ZNF385D: variants seen among roughly 807,000 people sequenced by gnomAD.
ZNF385D encodes the protein zinc finger protein 385D.
Under a neutral mutation model 35.8 loss-of-function variants are expected in ZNF385D, and 15 were observed. That is an observed-to-expected ratio of 0.42 (90% confidence interval 0.28 to 0.64). The LOEUF (loss-of-function observed/expected upper bound fraction) is 0.64. Ranked by LOEUF, ZNF385D falls within the 30% of genes least tolerant of loss-of-function variation. ZNF385D has a pLI of 0.23. For missense variants in ZNF385D, 474 were observed against 494.6 expected (o/e 0.96, Z 0.39); for synonymous variants, 212 against 186.8 (o/e 1.13, Z -1.10).
At chr3:21,627,485 G>GA (rs1366967203) in intron 2 of ZNF385D, among the ~76,000 whole-genome samples, 1 of 151,972 alleles carries the variant, frequency 6.6e-6, no homozygotes, top group African/African-American at 2.4e-5. Context: ...AAGATGCTGT[G>GA]AAAATCAGGT....
intron 3 of ZNF385D, among the ~76,000 whole-genome samples, chr3:21,896,004 T>C (rs1296632201): frequency 6.6e-6 from 1 of 152,190 alleles, no homozygotes; most frequent in African/African-American, 2.4e-5. Context: ...ATTATTTTAA[T>C]TAGAGAAATA....
chr3:22,208,458 G>C (rs149018341), intron 2 of ZNF385D, among the ~76,000 whole-genome samples: 1 of 151,344 alleles, frequency 6.6e-6, no homozygotes, highest in Non-Finnish European at 1.5e-5. Context: ...GGGGTGGGTA[G>C]ATGGGTGGGG....
At chr3:21,661,597 T>G (rs2066239271) in intron 2 of ZNF385D, among the ~76,000 whole-genome samples, 1 of 152,168 alleles carries the variant, frequency 6.6e-6, no homozygotes, top group South Asian at 2.1e-4. Context: ...GCACTGAAAC[T>G]CTAATGTCTT....
intron 3 of ZNF385D, among the ~76,000 whole-genome samples, chr3:21,811,189 T>C (rs2072905723): frequency 6.6e-6 from 1 of 152,250 alleles, no homozygotes; most frequent in Admixed American, 6.5e-5. Context: ...TTAGCATGAA[T>C]CCTATTTCTT....
intron 3 of ZNF385D, among the ~76,000 whole-genome samples, chr3:21,925,866 C>G (rs1271696653): frequency 6.6e-6 from 1 of 152,028 alleles, no homozygotes; most frequent in Non-Finnish European, 1.5e-5. Context: ...GACAAATACA[C>G]AAATGAAAAG....
chr3:21,810,845 A>G (rs1408011956), intron 3 of ZNF385D, among the ~76,000 whole-genome samples: 3 of 151,942 alleles, frequency 2.0e-5, no homozygotes, highest in Non-Finnish European at 4.4e-5. Flanking sequence ...TTCCTGGTAG[A>G]TATTCTTAGG....
intron 3 of ZNF385D, among the ~76,000 whole-genome samples, chr3:22,080,907 A>T (rs1268672913): frequency 6.6e-6 from 1 of 152,084 alleles, no homozygotes; most frequent in Non-Finnish European, 1.5e-5. Flanking sequence ...CCAGACACTG[A>T]CCCTGCTGCT....
chr3:21,820,195 A>C (rs1232156000), intron 3 of ZNF385D, among the ~76,000 whole-genome samples: 1 of 151,852 alleles, frequency 6.6e-6, no homozygotes, highest in Non-Finnish European at 1.5e-5. Flanking sequence ...ACATTTATAC[A>C]GATTGATATT....
At position 22,037,912 on chromosome 3, in the gene ZNF385D, C is replaced by G. The variant is rs944433392; in HGVS notation, c.325+130905G>C. ...CCAATGGAACAGAACAGAGCCCTCA[C>G]AAATAATGCCACATATCTACAACTA... On this transcript the variant is annotated intron_variant, in intron 3 of 5. Transcript: ENST00000494108. Among the ~76,000 whole-genome samples, 45 of 152,140 alleles carry G rather than the reference C, an allele frequency of 3.0e-4. No homozygotes were observed. The South Asian group carries it at 4.8e-3, about 16-fold the overall frequency.
At chr3:21,746,599 A>G (rs1452175538) in intron 1 of ZNF385D, among the ~76,000 whole-genome samples, 1 of 152,172 alleles carries the variant, frequency 6.6e-6, no homozygotes, top group Non-Finnish European at 1.5e-5. Flanking sequence ...TCAGGACTTC[A>G]CGCTTTAAAA....
In ZNF385D at chr3:21,417,808, C is replaced by G. The variant is rs1700583220; in HGVS notation, c.*3406G>C. 1.3e-5 allele frequency: 2 copies of G among 152,070 alleles called. No individual in the cohort carries two copies. The highest frequency in any genetic ancestry group is 1.3e-4 in the Admixed American group (2 of 15,264). 9.4% of individuals were successfully genotyped at this position (152,070 alleles called of 1,614,324 possible). On this transcript the variant is annotated 3_prime_UTR_variant, in exon 8 of 8. Transcript: ENST00000281523. Reference sequence around the variant, plus strand: ...AGTTTCTTGGCAACAAAATATGTAGCACCTTTAGAAAAACCAAATTTCATC... The same window carrying G: ...AGTTTCTTGGCAACAAAATATGTAGGACCTTTAGAAAAACCAAATTTCATC...
chr3:21,812,512 C>T (rs995709424), intron 3 of ZNF385D, among the ~76,000 whole-genome samples: 1 of 152,220 alleles, frequency 6.6e-6, no homozygotes, highest in African/African-American at 2.4e-5. Context: ...CTGCGCTTTT[C>T]CAACAGTCTT....
chr3:21,425,768 T>A, intron 5 of ZNF385D, 98 bp from the exon 6 acceptor site: 2 of 1,123,176 alleles, frequency 1.8e-6, no homozygotes, highest in Non-Finnish European at 2.4e-6. Flanking sequence ...AGCTAGTATA[T>A]ACCTTTAAGA....
At chr3:22,078,175 C>G (rs1253900968) in intron 3 of ZNF385D, among the ~76,000 whole-genome samples, 3 of 151,834 alleles carry the variant, frequency 2.0e-5, no homozygotes, top group Non-Finnish European at 4.4e-5. Flanking sequence ...ATGCAATGTT[C>G]AAAATGTTTA....
chr3:22,147,049 G>C (rs142659069), intron 3 of ZNF385D, among the ~76,000 whole-genome samples: 94 of 152,262 alleles, frequency 6.2e-4, no homozygotes, highest in Non-Finnish European at 1.2e-3. Flanking sequence ...TGTATTTAGA[G>C]TTACCCAATT....
intron 2 of ZNF385D, among the ~76,000 whole-genome samples, chr3:21,658,061 A>G (rs1250414033): frequency 6.6e-6 from 1 of 152,010 alleles, no homozygotes; most frequent in African/African-American, 2.4e-5. Flanking sequence ...TGGATTCTGT[A>G]TTTTTATCTG....
intron 3 of ZNF385D, among the ~76,000 whole-genome samples, chr3:21,766,069 A>G (rs1034991224): frequency 1.3e-5 from 2 of 152,120 alleles, no homozygotes; most frequent in East Asian, 1.9e-4. Context: ...GGCCGAAAGG[A>G]AAAAAGGAAA....
intron 2 of ZNF385D, among the ~76,000 whole-genome samples, chr3:22,216,861 C>G (rs181513239): frequency 8.5e-5 from 13 of 152,188 alleles, no homozygotes; most frequent in Non-Finnish European, 1.9e-4. Context: ...CCTCCCATGC[C>G]TAATTCTTCA....
chr3:21,990,828 T>C (rs1185544324), intron 3 of ZNF385D, among the ~76,000 whole-genome samples: 1 of 152,184 alleles, frequency 6.6e-6, no homozygotes, highest in Non-Finnish European at 1.5e-5. Context: ...TTGAAAACTG[T>C]ATAGCTTGGA....
Sources: allele counts gnomAD v4.1 joint callset (sites outside exome capture counted in the v4.1 genomes callset), GRCh38; gene constraint gnomAD v4.1.1; transcripts MANE v1.5; gene names NCBI Gene and HGNC (gene_info 2026-07-23, HGNC 2026-07-21).